The following LRP1 variants were observed in gnomAD, a reference collection of about 807,000 sequenced individuals.
LRP1 encodes prolow-density lipoprotein receptor-related protein 1.
A neutral mutation model predicts 541.5 loss-of-function variants in LRP1; 51 were observed. The ratio of observed to expected loss-of-function variants is 0.09; its 90% confidence interval spans 0.08 to 0.12. The LOEUF is 0.12. Ranked by LOEUF, LRP1 falls within the 10% of genes least tolerant of loss-of-function variation. The pLI is 1.00. For synonymous variants in LRP1, 2,219 were observed against 2,470.8 expected (o/e 0.90, Z 3.02); for missense variants, 3,878 against 6,376.2 (o/e 0.61, Z 13.34).
chr12:57,169,768 G>A (rs1195953331), intron 20 of LRP1, among the ~76,000 whole-genome samples: 2 of 152,242 alleles, frequency 1.3e-5, no homozygotes, highest in African/African-American at 4.8e-5. Flanking sequence ...GGATGAATGA[G>A]CCTGAAGAGA....
At chr12:57,136,395 G>GCT (rs780129288) in intron 1 of LRP1, among the ~76,000 whole-genome samples, 2 of 99,104 alleles carry the variant, frequency 2.0e-5, no homozygotes, top group African/African-American at 4.0e-5. Flanking sequence ...CCTCCTAAGA[G>GCT]CCCCCCCCCC....
chr12:57,163,295 A>G (rs957961736), intron 15 of LRP1, among the ~76,000 whole-genome samples: 1 of 152,234 alleles, frequency 6.6e-6, no homozygotes, highest in Non-Finnish European at 1.5e-5. Context: ...CTCCATTACT[A>G]AAGTAAAATA....
rs1198988525 is a variant in LRP1 at position 57,165,585 on chromosome 12, A to AGT, written c.2531-219_2531-218dup. 5.5e-6 allele frequency: 3 copies of AGT among 542,828 alleles called. No homozygotes were observed. The highest frequency in any genetic ancestry group is 9.9e-6 in the Non-Finnish European group (3 of 304,274). 33.6% of individuals were successfully genotyped at this position (542,828 alleles called of 1,614,324 possible). ...CCATTTGATTCTCAGGTCACACTGA[A>AGT]GTACAGTAAGCATTAAGTAGAGTAA... is the stretch of plus-strand genomic sequence containing the variant. On this transcript the variant is annotated intron_variant, in intron 15 of 88. Coordinates refer to ENST00000243077, the MANE Select transcript of LRP1 (RefSeq NM_002332.3). The surrounding 1 kb of genome is among the most constrained non-coding windows in gnomAD (Gnocchi z 4.5).
In LRP1 at chr12:57,183,587, A is replaced by G; in HGVS notation, c.5794+77A>G. 1 of 1,539,760 alleles carries G rather than the reference A, an allele frequency of 6.5e-7. No homozygotes were observed. The highest frequency in any genetic ancestry group is 8.8e-7 in the Non-Finnish European group (1 of 1,138,592). On this transcript the variant is annotated intron_variant, in intron 35 of 88. Coordinates refer to ENST00000243077, the MANE Select transcript of LRP1 (RefSeq NM_002332.3). This position sits in a 1 kb window ranked among gnomAD's most constrained non-coding sequence, Gnocchi z 6.1. Reference sequence around the variant, plus strand: ...GTGGTGTGGTGTGCCCTGAGGGTCCAGTGAGAGGCTGCCTGAATTGGCCTG... The same window carrying G: ...GTGGTGTGGTGTGCCCTGAGGGTCCGGTGAGAGGCTGCCTGAATTGGCCTG...
chr12:57,173,439 G>A lies in LRP1; in HGVS notation c.3346+89G>A, dbSNP rs2035983330. 3.6e-6 allele frequency: 5 copies of A among 1,388,098 alleles called. No homozygotes were observed. Among genetic ancestry groups the A allele is most frequent in the East Asian group, 2.4e-5 (1 of 41,934 alleles). 86.0% of individuals were successfully genotyped at this position (1,388,098 alleles called of 1,614,324 possible). Reference sequence around the variant, plus strand: ...GAGCAGAGTAGCGGCAAAGGGGATGGCACTGTGCTGTGTGGAGTGGTGCTG... The same window carrying A: ...GAGCAGAGTAGCGGCAAAGGGGATGACACTGTGCTGTGTGGAGTGGTGCTG... On this transcript the variant is annotated intron_variant, in intron 21 of 88. Transcript: ENST00000243077. This position sits in a 1 kb window ranked among gnomAD's most constrained non-coding sequence, Gnocchi z 4.7.
intron 60 of LRP1, 59 bp from the exon 61 acceptor site, chr12:57,199,153 G>A (rs2036595661): frequency 1.9e-6 from 3 of 1,545,940 alleles, no homozygotes; most frequent in East Asian, 4.5e-5. Flanking sequence ...GGTGGAGTGG[G>A]CCGGCACCCT....
intron 41 of LRP1, among the ~76,000 whole-genome samples, 176 bp downstream of exon 41, chr12:57,186,084 C>T (rs2036265001): frequency 6.6e-6 from 1 of 152,144 alleles, no homozygotes; most frequent in South Asian, 2.1e-4. Context: ...CAGCGTCAGC[C>T]CCCGACTTCC....
Position 57,179,056 on chromosome 12 carries a change from T to G in LRP1, c.4738+35T>G, listed in dbSNP as rs2036107072. ...CCTCCCTCCAGAGCCAGTGAGCAAC[T>G]GAGGCTGGAGGGAAGGCCGCAGGCC... On this transcript the variant is annotated intron_variant, in intron 28 of 88. Transcript: ENST00000243077. The surrounding 1 kb of genome is among the most constrained non-coding windows in gnomAD (Gnocchi z 6.8). 1 of 1,603,794 alleles carries G rather than the reference T, an allele frequency of 6.2e-7. No homozygotes were observed. The highest frequency in any genetic ancestry group is 2.2e-5 in the East Asian group (1 of 44,816).
intron 20 of LRP1, among the ~76,000 whole-genome samples, chr12:57,169,793 C>A (rs1188906968): frequency 6.6e-6 from 1 of 152,212 alleles, no homozygotes; most frequent in African/African-American, 2.4e-5. Flanking sequence ...GGAGAGAGGG[C>A]CTGGCTCCAC....
At chr12:57,202,270 C>T (rs1053377752) in intron 67 of LRP1, 151 bp from the exon 68 acceptor site, 51 of 710,690 alleles carry the variant, frequency 7.2e-5, no homozygotes, top group Non-Finnish European at 1.2e-4. Context: ...ATAGACCCCA[C>T]GTCTCAAAAC....
intron 42 of LRP1, among the ~76,000 whole-genome samples, chr12:57,187,943 C>T (rs36106329): frequency 0.024 from 3,705 of 152,270 alleles, 173 homozygotes; most frequent in African/African-American, 0.084. Context: ...AGTAGATTGG[C>T]CCAGAGCCTG....
rs79435985 is a variant in LRP1 at position 57,209,098 on chromosome 12, A to T, written c.12161A>T (p.Tyr4054Phe). 1,197 of 1,613,322 alleles carry T rather than the reference A, an allele frequency of 7.4e-4. 21 individuals carry two copies. The East Asian group carries it at 0.026, about 34-fold the overall frequency. The change falls in exon 79 of 89, where the codon TAT (tyrosine) becomes TTT (phenylalanine). Residue 4054 changes from tyrosine to phenylalanine, a missense_variant. Coordinates refer to ENST00000243077, the MANE Select transcript of LRP1 (RefSeq NM_002332.3). Reference sequence around the variant, plus strand: ...CTCTCCCCAGGCCTGGCCGTGGATTATCACAATGAGCGGCTGTACTGGGCA... The same window carrying T: ...CTCTCCCCAGGCCTGGCCGTGGATTTTCACAATGAGCGGCTGTACTGGGCA... The part of the protein sequence containing the change: ...IQWPTGLAVD[Y>F]HNERLYWADA...
rs762328607 is a variant in LRP1, at chr12:57,169,165, C to T, written c.3021C>T (p.Asp1007=). The change falls in exon 20 of 89, where the codon GAC becomes GAT. Residue 1007 remains aspartate (D), a synonymous_variant. Coordinates refer to ENST00000243077, the MANE Select transcript of LRP1 (RefSeq NM_002332.3). ...DNDNDCGDNS[D]EAGCSHSCSS... is the part of the protein sequence containing the mutation. ...ACAATGACTGTGGGGACAACAGTGA[C>T]GAAGCCGGCTGCAGCCACTCCTGTT... The T allele has an allele frequency of 1.9e-5, 30 of 1,611,574 alleles. No homozygotes were observed. The highest frequency in any genetic ancestry group is 8.9e-5 in the East Asian group (4 of 44,784).
chr12:57,178,865 C>T lies in LRP1; in HGVS notation c.4607-25C>T. The T allele has an allele frequency of 6.3e-7, 1 of 1,599,604 alleles. No homozygotes were observed. Among genetic ancestry groups the T allele is most frequent in the Non-Finnish European group, 8.5e-7 (1 of 1,175,196 alleles). ...AGCAAGTCACAGGATGCTCTGGCTT[C>T]TTCTCTTCTCCACCCTGCCCCCAGC... On this transcript the variant is annotated intron_variant, in intron 27 of 88. Coordinates refer to ENST00000243077, the MANE Select transcript of LRP1 (RefSeq NM_002332.3). This position sits in a 1 kb window ranked among gnomAD's most constrained non-coding sequence, Gnocchi z 5.8.
At chr12:57,180,173 C>T (rs1326929064) in intron 31 of LRP1, 32 bp downstream of exon 31, 8 of 1,604,542 alleles carry the variant, frequency 5.0e-6, no homozygotes, top group Non-Finnish European at 6.8e-6. Context: ...CCCACAGCCC[C>T]TCCCTAATTC....
Position 57,173,922 on chromosome 12 carries a change from C to G in LRP1, c.3489C>G (p.Asp1163Glu). 1 of 1,614,242 alleles carries G rather than the reference C, an allele frequency of 6.2e-7. No individual in the cohort carries two copies. The highest frequency in any genetic ancestry group is 8.5e-7 in the Non-Finnish European group (1 of 1,180,050). ...ANNTSVCLPP[D>E]KLCDGNDDCG... ...ACACCTCAGTCTGCCTGCCCCCTGA[C>G]AAGCTGTGTGATGGCAACGACGACT... Residue 1163 changes from aspartate (D) to glutamate (E), a missense_variant, in exon 22 of 89, where the codon GAC becomes GAG. Physicochemically the swap from Asp to Glu is conservative, Grantham distance 45. This residue lies in a region of LRP1 where 320 missense variants were observed against 547.9 expected (regional missense o/e 0.58). Transcript: ENST00000243077. This position sits in a 1 kb window ranked among gnomAD's most constrained non-coding sequence, Gnocchi z 4.7.
Position 57,212,600 on chromosome 12 carries a change from G to C in LRP1, c.*45G>C. On this transcript the variant is annotated 3_prime_UTR_variant, in exon 89 of 89. Coordinates refer to ENST00000243077, the MANE Select transcript of LRP1 (RefSeq NM_002332.3). The surrounding 1 kb of genome is among the most constrained non-coding windows in gnomAD (Gnocchi z 5.0). ...GCCCCCAGAAAGCCTCCTGCCCCCT[G>C]CCAGTGAAGTCCTTCAGTGAGCCCC... The C allele has an allele frequency of 6.5e-7, 1 of 1,532,456 alleles. No homozygotes were observed. Among genetic ancestry groups the C allele is most frequent in the East Asian group, 2.3e-5 (1 of 44,024 alleles). 94.9% of individuals were successfully genotyped at this position (1,532,456 alleles called of 1,614,324 possible).
chr12:57,197,137 C>T lies in LRP1; in HGVS notation c.9048C>T (p.Gly3016=), dbSNP rs375934857. The change falls in exon 56 of 89, where the codon GGC becomes GGT. Residue 3016 remains glycine, a synonymous_variant. Coordinates refer to ENST00000243077, the MANE Select transcript of LRP1 (RefSeq NM_002332.3). This position sits in a 1 kb window ranked among gnomAD's most constrained non-coding sequence, Gnocchi z 4.5. The part of the protein sequence containing the change: ...LCVEGYAPRG[G]DPHSCKAVTD... ...TGGAGGGCTATGCACCCCGCGGCGG[C>T]GACCCCCACAGCTGCAAGGCTGTGA... 160 of 1,613,896 alleles carry T rather than the reference C, an allele frequency of 9.9e-5. 2 individuals are homozygous for T. In the Middle Eastern group the frequency reaches 0.011, roughly 110 times the overall value.
Position 57,166,139 on chromosome 12 carries a change from C to T in LRP1, c.2727C>T (p.Pro909=). 6.2e-7 allele frequency: 1 copy of T among 1,614,234 alleles called. No homozygotes were observed. The highest frequency in any genetic ancestry group is 8.5e-7 in the Non-Finnish European group (1 of 1,180,038). Residue 909 remains proline (P), a synonymous_variant, in exon 17 of 89, where the codon CCC becomes CCT. Transcript: ENST00000243077. ...RFKCENNRCI[P]NRWLCDGDND... ...AGTGCGAGAACAACCGGTGCATCCC[C>T]AACCGCTGGCTCTGCGACGGGGACA... is the stretch of plus-strand genomic sequence containing the variant.
Sources: allele counts gnomAD v4.1 joint callset (sites outside exome capture counted in the v4.1 genomes callset), GRCh38; gene constraint gnomAD v4.1.1; regional missense constraint gnomAD v4.1.1; non-coding constraint Gnocchi (gnomAD v3.1); transcripts MANE v1.5; gene names NCBI Gene and HGNC (gene_info 2026-07-23, HGNC 2026-07-21).